Variants in WNK1 observed in about 807,000 individuals in gnomAD.
The protein encoded by WNK1 is WNK lysine deficient protein kinase 1, also known as serine/threonine-protein kinase WNK1.
A neutral mutation model predicts 222.8 loss-of-function variants in WNK1; 38 were observed. The observed-to-expected ratio is 0.17, with a 90% CI of 0.13 to 0.22. The LOEUF (loss-of-function observed/expected upper bound fraction) is 0.22. Among genes scored for constraint, WNK1 ranks in the 10% least tolerant of loss-of-function variants. The probability of loss-of-function intolerance (pLI) is 1.00; values close to 1 mark genes in which losing one functional copy is unlikely to be tolerated. For synonymous variants in WNK1, 1,090 were observed against 1,092.9 expected (o/e 1.00, Z 0.05); for missense variants, 2,348 against 2,918.4 (o/e 0.80, Z 4.50).
rs184054416 is a variant in WNK1 at position 772,560 on chromosome 12, C to T, written c.759+18236C>T. ...GTTGCTGTATGGTGGCATCATTTGC[C>T]TGATTTACCTTATAGAAAAACCATT... On this transcript the variant is annotated intron_variant, in intron 1 of 27. Coordinates refer to ENST00000315939, the MANE Select transcript of WNK1 (RefSeq NM_018979.4). 5.4e-3 allele frequency among the ~76,000 whole-genome samples: 823 copies of T among 152,126 alleles called. 5 individuals are homozygous for T. Among genetic ancestry groups the T allele is most frequent in the Non-Finnish European group, 8.9e-3 (603 of 68,004 alleles).
At chr12:876,827 AAAAG>A (rs146184865) in intron 9 of WNK1, among the ~76,000 whole-genome samples, 547 of 152,260 alleles carry the variant, frequency 3.6e-3, no homozygotes, top group African/African-American at 0.013. Flanking sequence ...TTTTAACAAA[AAAAG>A]AAAACTATGT....
intron 4 of WNK1, among the ~76,000 whole-genome samples, chr12:853,579 A>G (rs922678318): frequency 1.3e-5 from 2 of 152,238 alleles, no homozygotes; most frequent in African/African-American, 2.4e-5. Flanking sequence ...AACTACTTCT[A>G]CTTGTCCAGT....
intron 1 of WNK1, among the ~76,000 whole-genome samples, chr12:773,059 G>C (rs1036048710): frequency 6.6e-6 from 1 of 152,120 alleles, no homozygotes; most frequent in Non-Finnish European, 1.5e-5. Context: ...AGGAGTTCGA[G>C]ACCAGCCTGA....
chr12:817,358 A>G (rs1947442076), intron 2 of WNK1, among the ~76,000 whole-genome samples: 2 of 151,992 alleles, frequency 1.3e-5, no homozygotes, highest in South Asian at 4.2e-4. Flanking sequence ...GAAAAAGTAG[A>G]GAGAATGAGA....
intron 20 of WNK1, among the ~76,000 whole-genome samples, chr12:888,676 T>A (rs116617057): frequency 3.3e-5 from 5 of 152,144 alleles, no homozygotes; most frequent in African/African-American, 1.2e-4. Flanking sequence ...AGGAAAATAA[T>A]ACCCTGTGAT....
intron 5 of WNK1, 144 bp from the exon 6 acceptor site, chr12:859,101 A>G (rs1348778458): frequency 2.3e-5 from 16 of 693,516 alleles, no homozygotes; most frequent in South Asian, 3.6e-5. Flanking sequence ...AAATTCAGCA[A>G]TGTAAAAATG....
chr12:761,037 G>A (rs1041966030), intron 1 of WNK1, among the ~76,000 whole-genome samples: 1 of 144,546 alleles, frequency 6.9e-6, no homozygotes, highest in Admixed American at 6.9e-5. Context: ...CACCTGCCTT[G>A]GCCTCTTAAA....
intron 4 of WNK1, among the ~76,000 whole-genome samples, chr12:842,511 C>T (rs1316235500): frequency 6.6e-6 from 1 of 151,780 alleles, no homozygotes; most frequent in African/African-American, 2.4e-5. Context: ...TAGGTATTTC[C>T]CCTTAATTTT....
At chr12:764,036 A>C (rs938525959) in intron 1 of WNK1, among the ~76,000 whole-genome samples, 1 of 147,482 alleles carries the variant, frequency 6.8e-6, no homozygotes, top group African/African-American at 2.4e-5. Flanking sequence ...AAACTTGAAG[A>C]CTAGGTCTGA....
intron 1 of WNK1, among the ~76,000 whole-genome samples, chr12:788,884 C>T (rs1944573824): frequency 1.3e-5 from 2 of 148,406 alleles, no homozygotes; most frequent in Non-Finnish European, 1.5e-5. Context: ...AAGACTCTGT[C>T]TCGGGGGGGA....
Position 836,900 on chromosome 12 carries a change from A to T in WNK1, c.1311+6740A>T, listed in dbSNP as rs536013214. ...CCAAGTCAGAGTATTAATCAGAAAT[A>T]TTTTTTTTTTGTATGTGCATACTAA... On this transcript the variant is annotated intron_variant, in intron 4 of 27. Coordinates refer to ENST00000315939, the MANE Select transcript of WNK1 (RefSeq NM_018979.4). 1.6e-4 allele frequency among the ~76,000 whole-genome samples: 24 copies of T among 150,254 alleles called. No homozygotes were observed. The East Asian group carries it at 4.5e-3, about 28-fold the overall frequency.
Position 907,684 on chromosome 12 carries a change from C to T in WNK1, c.6644-163C>T, listed in dbSNP as rs531049154. The T allele has an allele frequency of 3.3e-5, 29 of 880,664 alleles. No homozygotes were observed. In the South Asian group the frequency reaches 3.6e-4, roughly 11 times the overall value. 54.6% of individuals were successfully genotyped at this position (880,664 alleles called of 1,614,324 possible). A position where few individuals can be genotyped will look rare whatever the true frequency, so the allele number is the denominator to read the frequency against. On this transcript the variant is annotated intron_variant, in intron 26 of 27. Coordinates refer to ENST00000315939, the MANE Select transcript of WNK1 (RefSeq NM_018979.4). ...TTTTCATCACCCTATTATACCAAAACAAATGGCTAAACAAAACCTTGGAAT... is the reference window on the plus strand; with the variant it reads ...TTTTCATCACCCTATTATACCAAAATAAATGGCTAAACAAAACCTTGGAAT...
intron 1 of WNK1, among the ~76,000 whole-genome samples, chr12:803,781 A>C (rs1946097537): frequency 6.6e-6 from 1 of 152,162 alleles, no homozygotes; most frequent in African/African-American, 2.4e-5. Flanking sequence ...AAACATTAAG[A>C]AGTGACAAAT....
Position 906,218 on chromosome 12 carries a change from C to T in WNK1, c.6644-1629C>T, listed in dbSNP as rs151185456. 21 of 769,086 alleles carry T rather than the reference C, an allele frequency of 2.7e-5. No individual in the cohort carries two copies. In the East Asian group the frequency reaches 2.3e-3, roughly 85 times the overall value. The allele number at this position is 769,086 out of a possible 1,614,324, so 47.6% of individuals were successfully genotyped here. A position where few individuals can be genotyped will look rare whatever the true frequency, so the allele number is the denominator to read the frequency against. On this transcript the variant is annotated intron_variant, in intron 26 of 27. Coordinates refer to ENST00000315939, the MANE Select transcript of WNK1 (RefSeq NM_018979.4). ...AGGAGCTTTTATTTATTCTGTAACA[C>T]GTGAGATCTGGTAAGACAGTGGGGG...
Position 909,911 on chromosome 12 carries a change from G to A in WNK1, c.*1119G>A, listed in dbSNP as rs991614933. 3.3e-5 allele frequency: 5 copies of A among 152,238 alleles called. No homozygotes were observed. The highest frequency in any genetic ancestry group is 1.2e-4 in the African/African-American group (5 of 41,448). The allele number at this position is 152,238 out of a possible 1,614,324, so 9.4% of individuals were successfully genotyped here. A position where few individuals can be genotyped will look rare whatever the true frequency, so the allele number is the denominator to read the frequency against. On this transcript the variant is annotated 3_prime_UTR_variant, in exon 28 of 28. Coordinates refer to ENST00000315939, the MANE Select transcript of WNK1 (RefSeq NM_018979.4). ...AGGGTGGGAAGTTAGGTTGGCATCA[G>A]TGGTTAAAAACAGAAAGTTCTGTTT... is the stretch of plus-strand genomic sequence containing the variant.
rs564272093 is a variant in WNK1, at chr12:840,516, A to C, written c.1311+10356A>C. Among the ~76,000 whole-genome samples, 7 of 152,324 alleles carry C rather than the reference A, an allele frequency of 4.6e-5. No homozygotes were observed. In the East Asian group the frequency reaches 1.3e-3, roughly 29 times the overall value. On this transcript the variant is annotated intron_variant, in intron 4 of 27. Coordinates refer to ENST00000315939, the MANE Select transcript of WNK1 (RefSeq NM_018979.4). ...GAAAACTACATGAAATTCAAATTTC[A>C]GTGTCCATAAATAAGTTTTTCTGGC...
chr12:814,742 G>A (rs768100848), intron 2 of WNK1, among the ~76,000 whole-genome samples: 2 of 152,124 alleles, frequency 1.3e-5, no homozygotes, highest in Non-Finnish European at 1.5e-5. Flanking sequence ...GAACTGGTGC[G>A]GGGGTGGGGC....
rs370488966 is a variant in WNK1 at position 862,094 on chromosome 12, G to C, written c.1963G>C (p.Val655Leu). Residue 655 changes from valine to leucine, a missense_variant, in exon 8 of 28, where the codon GTT (valine) becomes CTT (leucine). Around this residue, in one of 13 missense-constraint regions of WNK1, gnomAD observed 547 missense variants for 558.3 expected, o/e 0.98. Coordinates refer to ENST00000315939, the MANE Select transcript of WNK1 (RefSeq NM_018979.4). ...PSISVLSDGT[V>L]DSGQGSSVFT... ...CATTTTTCCTTCAGCTGATGGGACG[G>C]TTGACAGTGGTCAGGGATCCTCTGT... The C allele has an allele frequency of 3.7e-6, 6 of 1,613,752 alleles. No individual in the cohort carries two copies. The African/African-American group carries it at 6.7e-5, about 18-fold the overall frequency.
At chr12:870,295 T>C (rs984873424) in intron 8 of WNK1, among the ~76,000 whole-genome samples, 3 of 152,230 alleles carry the variant, frequency 2.0e-5, no homozygotes, top group Admixed American at 1.3e-4. Context: ...GCCCCTATTA[T>C]AAATATTAAT....
Sources: allele counts gnomAD v4.1 joint callset (sites outside exome capture counted in the v4.1 genomes callset), GRCh38; gene constraint gnomAD v4.1.1; regional missense constraint gnomAD v4.1.1; transcripts MANE v1.5; gene names NCBI Gene and HGNC (gene_info 2026-07-23, HGNC 2026-07-21).